SDR42E2: variants seen among roughly 807,000 people sequenced by gnomAD.
SDR42E2 encodes putative short-chain dehydrogenase/reductase family 42E member 2.
A neutral mutation model predicts 10.5 loss-of-function variants in SDR42E2; 20 were observed. That is an observed-to-expected ratio of 1.90 (90% CI 1.34 to 2.77). SDR42E2 has a LOEUF of 2.77. Among genes scored for constraint, SDR42E2 ranks in the 30% most tolerant of loss-of-function variants. SDR42E2 has a pLI of 0.00. For missense variants in SDR42E2, 162 were observed against 104.2 expected, an observed-to-expected ratio of 1.55 and a Z score of -2.42; for synonymous variants, 72 against 39.2, an observed-to-expected ratio of 1.84 and a Z score of -3.12.
At position 22,165,652 on chromosome 16, in the gene SDR42E2, C is replaced by G; in HGVS notation, c.55+15C>G. The stretch of plus-strand genomic sequence containing the variant: ...TGCAGGCCAGGGTGAGAAGAGCTGC[C>G]CTGTCTGCCAGGCCTGTGGAGAGGT... On this transcript the variant is annotated intron_variant, in intron 2 of 12. Coordinates refer to ENST00000602312, the MANE Select transcript of SDR42E2 (RefSeq NM_001394319.2). 1 of 401,684 alleles carries G rather than the reference C, an allele frequency of 2.5e-6. No individual in the cohort carries two copies. Among genetic ancestry groups the G allele is most frequent in the East Asian group, 3.6e-5 (1 of 28,074 alleles). The allele number at this position is 401,684 out of a possible 1,614,324, so 24.9% of individuals were successfully genotyped here.
intron 8 of SDR42E2, among the ~76,000 whole-genome samples, chr16:22,179,406 C>T (rs1329705407): frequency 6.6e-6 from 1 of 152,136 alleles, no homozygotes; most frequent in Admixed American, 6.6e-5. Flanking sequence ...CTAGTATGTG[C>T]CCCGCACTGT....
chr16:22,171,149 C>G (rs1299559162), intron 6 of SDR42E2, among the ~76,000 whole-genome samples, 198 bp downstream of exon 6: 1 of 152,232 alleles, frequency 6.6e-6, no homozygotes, highest in African/African-American at 2.4e-5. Context: ...TCAGACAGGT[C>G]TGGCCTTAGC....
chr16:22,170,862 AT>A lies in SDR42E2; in HGVS notation c.425del (p.Ile142ThrfsTer15). 1.4e-6 allele frequency: 1 copy of A among 702,992 alleles called. No homozygotes were observed. Among genetic ancestry groups the A allele is most frequent in the Non-Finnish European group, 2.6e-6 (1 of 384,998 alleles). The allele number at this position is 702,992 out of a possible 1,614,324, so 43.5% of individuals were successfully genotyped here. A position where few individuals can be genotyped will look rare whatever the true frequency, so the allele number is the denominator to read the frequency against. On this transcript the variant is annotated frameshift_variant, in exon 6 of 13. Coordinates refer to ENST00000602312, the MANE Select transcript of SDR42E2 (RefSeq NM_001394319.2). LOFTEE classifies it high-confidence loss of function. ...VCVRRRVPRLIYTSTVNVAFG... is the reference protein window; with the variant it reads ...VCVRRRVPRLXYTSTVNVAFG... ...TGTTCGCCGGCGGGTTCCAAGGCTCATCTATACCAGCACTGTCAATGTTGCA... is the reference window on the plus strand; with the variant it reads ...TGTTCGCCGGCGGGTTCCAAGGCTCACTATACCAGCACTGTCAATGTTGCA...
chr16:22,170,251 G>A (rs1013629337), intron 5 of SDR42E2, among the ~76,000 whole-genome samples: 5 of 152,166 alleles, frequency 3.3e-5, no homozygotes, highest in Non-Finnish European at 7.4e-5. Context: ...CTACTCGGGA[G>A]GCTGAGGCAG....
chr16:22,186,319 G>A (rs992365641), intron 11 of SDR42E2, among the ~76,000 whole-genome samples: 10 of 151,408 alleles, frequency 6.6e-5, no homozygotes, highest in African/African-American at 2.4e-4. Context: ...CGATTCTCCT[G>A]CCTCAGCCTC....
intron 7 of SDR42E2, among the ~76,000 whole-genome samples, chr16:22,173,759 C>T (rs992460981): frequency 1.3e-5 from 2 of 151,646 alleles, no homozygotes; most frequent in Non-Finnish European, 2.9e-5. Context: ...CAGTGGCTCA[C>T]GCCTGTAATC....
intron 4 of SDR42E2, among the ~76,000 whole-genome samples, chr16:22,168,961 G>C (rs879532913): frequency 2.0e-5 from 3 of 152,170 alleles, no homozygotes; most frequent in Non-Finnish European, 4.4e-5. Context: ...TCATGGATCA[G>C]GAAGTTCTTG....
At chr16:22,173,630 AC>A (rs2046618651) in intron 7 of SDR42E2, among the ~76,000 whole-genome samples, 1 of 151,952 alleles carries the variant, frequency 6.6e-6, no homozygotes, top group African/African-American at 2.4e-5. Context: ...GGTCTGATTA[AC>A]CCTTCACAGT....
chr16:22,184,652 G>A (rs1427889433), intron 11 of SDR42E2, among the ~76,000 whole-genome samples: 1 of 152,122 alleles, frequency 6.6e-6, no homozygotes, highest in Non-Finnish European at 1.5e-5. Context: ...CAGGACTAGG[G>A]TGAGGACAGT....
intron 4 of SDR42E2, 119 bp from the exon 5 acceptor site, chr16:22,169,326 C>A: frequency 1.5e-6 from 1 of 670,764 alleles, no homozygotes; most frequent in South Asian, 1.6e-5. Context: ...CCTTCGGGAT[C>A]CCTGCCTCTG....
At chr16:22,178,284 C>A (rs2046662918) in intron 8 of SDR42E2, 72 bp downstream of exon 8, 2 of 666,510 alleles carry the variant, frequency 3.0e-6, no homozygotes, top group East Asian at 5.6e-5. Flanking sequence ...GTCGGGCCCT[C>A]CCAGCCCCTG....
intron 8 of SDR42E2, among the ~76,000 whole-genome samples, chr16:22,180,068 G>C (rs1340939117): frequency 6.6e-6 from 1 of 152,140 alleles, no homozygotes; most frequent in African/African-American, 2.4e-5. Context: ...GGGCGGTGCA[G>C]CTGTGGTGGA....
intron 4 of SDR42E2, 100 bp downstream of exon 4, chr16:22,167,099 A>C (rs899205106): frequency 2.4e-6 from 1 of 422,396 alleles, no homozygotes; most frequent in South Asian, 2.4e-5. Context: ...TTCACCTATT[A>C]TAGGAGGGAC....
chr16:22,167,050 C>A (rs1250088560), intron 4 of SDR42E2, 51 bp downstream of exon 4: 1 of 691,762 alleles, frequency 1.4e-6, no homozygotes, highest in South Asian at 1.5e-5. Context: ...GGGTTCCAGT[C>A]CTGGCTCTGC....
chr16:22,169,222 A>AAAT (rs2046572275), intron 4 of SDR42E2, among the ~76,000 whole-genome samples: 1 of 152,228 alleles, frequency 6.6e-6, no homozygotes, highest in African/African-American at 2.4e-5. Context: ...CTCACTTTAC[A>AAAT]AATGAGGTTG....
At chr16:22,177,327 T>G (rs1265566346) in intron 7 of SDR42E2, among the ~76,000 whole-genome samples, 5 of 151,984 alleles carry the variant, frequency 3.3e-5, no homozygotes, top group African/African-American at 9.7e-5. Flanking sequence ...AACTGCTGAT[T>G]AGAAAAAGGG....
chr16:22,185,153 A>G lies in SDR42E2; in HGVS notation c.940+909A>G, dbSNP rs190941341. ...GGCTGCTCCCCTTCCCTCTGTCCCC[A>G]GCACCCATACAATGGCCTCCTCCCA... is the stretch of plus-strand genomic sequence containing the variant. On this transcript the variant is annotated intron_variant, in intron 11 of 12. Coordinates refer to ENST00000602312, the MANE Select transcript of SDR42E2 (RefSeq NM_001394319.2). Among the ~76,000 whole-genome samples, 26 of 152,126 alleles carry G rather than the reference A, an allele frequency of 1.7e-4. No individual in the cohort carries two copies. The East Asian group carries it at 4.4e-3, about 26-fold the overall frequency.
chr16:22,173,903 G>GTATATATA (rs146432754), intron 7 of SDR42E2, among the ~76,000 whole-genome samples: 1,284 of 112,634 alleles, frequency 0.011, 40 homozygotes, highest in African/African-American at 0.033. Flanking sequence ...ATATGTGTGT[G>GTATATATA]TGTATATATA....
intron 7 of SDR42E2, among the ~76,000 whole-genome samples, chr16:22,177,844 C>T (rs760880687): frequency 6.8e-6 from 1 of 147,810 alleles, no homozygotes; most frequent in Non-Finnish European, 1.5e-5. Flanking sequence ...TTTGTGACTG[C>T]ACTGTGAGCA....
Sources: allele counts gnomAD v4.1 joint callset (sites outside exome capture counted in the v4.1 genomes callset), GRCh38; gene constraint gnomAD v4.1.1; transcripts MANE v1.5; gene names NCBI Gene and HGNC (gene_info 2026-07-23, HGNC 2026-07-21).